LRRC28: variants seen among roughly 807,000 people sequenced by gnomAD.
LRRC28 encodes the protein leucine rich repeat containing 28.
In LRRC28, 39 loss-of-function variants were observed where a neutral mutation model predicts 45.7. The observed-to-expected ratio is 0.85, with a 90% CI of 0.66 to 1.12. The LOEUF (loss-of-function observed/expected upper bound fraction) is 1.12, where lower values mean the gene tolerates loss of function less well. LRRC28 is among the 50% of genes most tolerant of loss of function. The pLI, the probability that LRRC28 is intolerant of heterozygous loss-of-function variation, is 0.00. For synonymous variants in LRRC28, 206 were observed against 178.8 expected (o/e 1.15, Z -1.22); for missense variants, 435 against 438.5 (o/e 0.99, Z 0.07).
chr15:99,366,191 A>G (rs546495798), intron 9 of LRRC28, among the ~76,000 whole-genome samples: 4 of 152,308 alleles, frequency 2.6e-5, no homozygotes, highest in Admixed American at 1.3e-4. Flanking sequence ...TCCAAGATCA[A>G]GGTGTCAGCA....
intron 1 of LRRC28, chr15:99,252,075 A>G (rs2080824302): frequency 6.6e-6 from 1 of 152,116 alleles, no homozygotes; most frequent in South Asian, 2.1e-4. Flanking sequence ...TTTGTTTTTA[A>G]TAATAAGATA....
intron 9 of LRRC28, among the ~76,000 whole-genome samples, chr15:99,381,780 G>A (rs1006686351): frequency 1.3e-5 from 2 of 152,258 alleles, no homozygotes; most frequent in African/African-American, 2.4e-5. Context: ...GTCTGTTGGA[G>A]TTTGCTGGAG....
chr15:99,308,430 G>A (rs1955269976), intron 5 of LRRC28, among the ~76,000 whole-genome samples: 1 of 152,184 alleles, frequency 6.6e-6, no homozygotes, highest in South Asian at 2.1e-4. Context: ...ACTTTGGGAG[G>A]CCGAGGTAGG....
Position 99,341,789 on chromosome 15 carries a change from G to A in LRRC28, c.592+7660G>A, listed in dbSNP as rs117375655. On this transcript the variant is annotated intron_variant, in intron 6 of 9. Transcript: ENST00000301981. ...ACCAGGAGAGTTTTTTGTTGTTCTCGTTCTAGAACTCACAGCTTTTTAAAT... is the reference window on the plus strand; with the variant it reads ...ACCAGGAGAGTTTTTTGTTGTTCTCATTCTAGAACTCACAGCTTTTTAAAT... Among the ~76,000 whole-genome samples, 1,290 of 152,244 alleles carry A rather than the reference G, an allele frequency of 8.5e-3. 7 individuals are homozygous for A. The highest frequency in any genetic ancestry group is 0.012 in the Non-Finnish European group (796 of 68,002).
chr15:99,261,492 A>G (rs1279504803), intron 2 of LRRC28, among the ~76,000 whole-genome samples: 1 of 152,040 alleles, frequency 6.6e-6, no homozygotes, highest in African/African-American at 2.4e-5. Flanking sequence ...GGGTTCGCAG[A>G]TGGTGCCTTT....
chr15:99,278,294 G>A (rs1287675105), intron 3 of LRRC28, among the ~76,000 whole-genome samples: 1 of 152,160 alleles, frequency 6.6e-6, no homozygotes, highest in African/African-American at 2.4e-5. Flanking sequence ...TGTCACCCAG[G>A]CTGGAGTGCA....
At chr15:99,357,375 A>G (rs1423854282) in intron 7 of LRRC28, among the ~76,000 whole-genome samples, 2 of 152,238 alleles carry the variant, frequency 1.3e-5, no homozygotes, top group East Asian at 1.9e-4. Context: ...CACTACAAAC[A>G]GCCCAAATGT....
At chr15:99,255,141 G>C (rs1490371382) in intron 1 of LRRC28, among the ~76,000 whole-genome samples, 1 of 152,170 alleles carries the variant, frequency 6.6e-6, no homozygotes, top group Non-Finnish European at 1.5e-5. Flanking sequence ...AGGATTGCTT[G>C]AGCTCAGGAA....
Position 99,363,092 on chromosome 15 carries a change from CT to C in LRRC28, c.872-10del. 1 of 1,595,428 alleles carries C rather than the reference CT, an allele frequency of 6.3e-7. No homozygotes were observed. Among genetic ancestry groups the C allele is most frequent in the Non-Finnish European group, 8.5e-7 (1 of 1,170,448 alleles). On this transcript the variant is annotated splice_polypyrimidine_tract_variant and intron_variant, in intron 8 of 9. Transcript: ENST00000301981. ...TTTTTTTACTCGTGTGCGTGATTTT[CT>C]TTTGTGTTCCAGATTTGAACTTTCT...
At chr15:99,383,705 C>G (rs577424808) in intron 9 of LRRC28, among the ~76,000 whole-genome samples, 6 of 152,262 alleles carry the variant, frequency 3.9e-5, no homozygotes, top group East Asian at 3.9e-4. Context: ...TTTGTATTCC[C>G]CCTTGCAAAT....
At chr15:99,318,186 A>G (rs970698965) in intron 5 of LRRC28, among the ~76,000 whole-genome samples, 6 of 152,182 alleles carry the variant, frequency 3.9e-5, no homozygotes, top group African/African-American at 1.4e-4. Context: ...ACCCTCAGCA[A>G]TATAGATTTG....
intron 5 of LRRC28, among the ~76,000 whole-genome samples, chr15:99,304,426 CT>C (rs1955104153): frequency 6.6e-6 from 1 of 150,810 alleles, no homozygotes; most frequent in Admixed American, 6.6e-5. Flanking sequence ...ATATATATTC[CT>C]TTTCTTTTTT....
At chr15:99,290,334 A>G (rs547330449) in intron 5 of LRRC28, among the ~76,000 whole-genome samples, 53 of 152,098 alleles carry the variant, frequency 3.5e-4, no homozygotes, top group Admixed American at 3.1e-3. Context: ...TTTTATTCTC[A>G]TATAATGAAT....
At chr15:99,358,351 T>G (rs1171237582) in intron 7 of LRRC28, among the ~76,000 whole-genome samples, 1 of 152,108 alleles carries the variant, frequency 6.6e-6, no homozygotes, top group African/African-American at 2.4e-5. Context: ...ATAAGGAAAT[T>G]TATGATCAAA....
intron 9 of LRRC28, among the ~76,000 whole-genome samples, chr15:99,364,916 A>G (rs963445792): frequency 6.6e-6 from 1 of 152,200 alleles, no homozygotes; most frequent in Non-Finnish European, 1.5e-5. Context: ...GCAAGATATC[A>G]TCACAGGAAA....
At chr15:99,351,504 GCT>G (rs1211948662) in intron 6 of LRRC28, among the ~76,000 whole-genome samples, 2 of 152,112 alleles carry the variant, frequency 1.3e-5, no homozygotes, top group African/African-American at 4.8e-5. Flanking sequence ...TCCAGCTCCT[GCT>G]CTCTGGCCCT....
rs1010926116 is a variant in LRRC28, at chr15:99,286,374, C to T, written c.210-883C>T. 7.9e-5 allele frequency among the ~76,000 whole-genome samples: 12 copies of T among 152,272 alleles called. No homozygotes were observed. In the East Asian group the frequency reaches 1.5e-3, roughly 20 times the overall value. On this transcript the variant is annotated intron_variant, in intron 3 of 9. Coordinates refer to ENST00000301981, the MANE Select transcript of LRRC28 (RefSeq NM_144598.5). ...CGCGAACTCCTGAGGTCAGGCAATC[C>T]GCCCTCCTTGCCTCCCAAAGTGCTG...
At chr15:99,293,363 G>T (rs1459583175) in intron 5 of LRRC28, among the ~76,000 whole-genome samples, 1 of 152,002 alleles carries the variant, frequency 6.6e-6, no homozygotes, top group Non-Finnish European at 1.5e-5. Flanking sequence ...GGAGGCCAAG[G>T]TGGGTGGATC....
rs140576168 is a variant in LRRC28, at chr15:99,321,053, A to AT, written c.386-12869dup. On this transcript the variant is annotated intron_variant, in intron 5 of 9. Transcript: ENST00000301981. ...CCAATCTTGTTTAAACATGAAAAAA[A>AT]TGTTTTCCTTTAGACTTGCCTTCAG... 6.6e-3 allele frequency among the ~76,000 whole-genome samples: 999 copies of AT among 152,316 alleles called. 11 individuals are homozygous for AT. The highest frequency in any genetic ancestry group is 0.023 in the African/African-American group (974 of 41,560).
Sources: allele counts gnomAD v4.1 joint callset (sites outside exome capture counted in the v4.1 genomes callset), GRCh38; gene constraint gnomAD v4.1.1; transcripts MANE v1.5; gene names NCBI Gene and HGNC (gene_info 2026-07-23, HGNC 2026-07-21).